MAST4: variants seen among roughly 807,000 people sequenced by gnomAD.
MAST4 encodes the protein microtubule associated serine/threonine kinase family member 4, also known as microtubule-associated serine/threonine-protein kinase 4.
MAST4 carries 89 observed loss-of-function variants against 162.7 expected under a neutral mutation model. The ratio of observed to expected loss-of-function variants is 0.55; its 90% CI spans 0.46 to 0.65. The LOEUF is 0.65. Ranked by LOEUF, MAST4 falls within the 30% of genes least tolerant of loss-of-function variation. MAST4 has a pLI of 0.00. For synonymous variants in MAST4, 1,479 were observed against 1,361.1 expected (o/e 1.09, Z -1.91); for missense variants, 3,153 against 3,374.0 (o/e 0.93, Z 1.62).
In MAST4 at chr5:66,943,011, T is replaced by A. The variant is rs1008854314; in HGVS notation, c.674+43029T>A. On this transcript the variant is annotated intron_variant, in intron 4 of 28. Coordinates refer to ENST00000403625, the MANE Select transcript of MAST4 (RefSeq NM_001164664.2). ...TGTAGGTAGAAAGGGGTGTGGCAGC[T>A]CTTTGGGGCCTCTTTTATAAGGTAC... is the stretch of plus-strand genomic sequence containing the variant. 2.6e-5 allele frequency among the ~76,000 whole-genome samples: 4 copies of A among 152,166 alleles called. No individual in the cohort carries two copies. The South Asian group carries it at 8.3e-4, about 32-fold the overall frequency.
intron 1 of MAST4, among the ~76,000 whole-genome samples, chr5:66,691,965 C>G (rs1749069061): frequency 6.6e-6 from 1 of 151,958 alleles, no homozygotes; most frequent in Non-Finnish European, 1.5e-5. Flanking sequence ...TTGATTCTCC[C>G]CAGGGCAAGA....
intron 3 of MAST4, among the ~76,000 whole-genome samples, chr5:66,874,270 G>C: frequency 6.6e-6 from 1 of 152,146 alleles, no homozygotes; most frequent in Non-Finnish European, 1.5e-5. Flanking sequence ...GTAGTTCAAA[G>C]ACCATGGAGC....
At chr5:67,023,665 G>A (rs1370826895) in intron 4 of MAST4, among the ~76,000 whole-genome samples, 2 of 152,112 alleles carry the variant, frequency 1.3e-5, no homozygotes, top group Non-Finnish European at 2.9e-5. Context: ...CCCAATGGCT[G>A]TAACTCTTTT....
intron 5 of MAST4, among the ~76,000 whole-genome samples, chr5:67,083,663 G>A (rs925925515): frequency 6.6e-6 from 1 of 152,074 alleles, no homozygotes; most frequent in Admixed American, 6.5e-5. Context: ...CTTTAACTCA[G>A]AGTTTTATCC....
chr5:66,998,129 A>G (rs1346261000), intron 4 of MAST4, among the ~76,000 whole-genome samples: 1 of 152,262 alleles, frequency 6.6e-6, no homozygotes, highest in East Asian at 1.9e-4. Context: ...CTTAAATTAC[A>G]GAAAGGTCTT....
At chr5:66,638,030 T>A (rs1745235707) in intron 1 of MAST4, among the ~76,000 whole-genome samples, 1 of 152,210 alleles carries the variant, frequency 6.6e-6, no homozygotes, top group Admixed American at 6.5e-5. Flanking sequence ...TAGTTGTAAT[T>A]TATTCCTCAG....
At chr5:66,673,070 T>G (rs1009951483) in intron 1 of MAST4, among the ~76,000 whole-genome samples, 20 of 152,326 alleles carry the variant, frequency 1.3e-4, no homozygotes, top group Admixed American at 7.8e-4. Context: ...GTGCATATTA[T>G]TTTGTGTGTG....
intron 6 of MAST4, chr5:67,093,698 T>A (rs1764114921): frequency 4.5e-6 from 2 of 446,806 alleles, no homozygotes; most frequent in Non-Finnish European, 9.1e-6. Flanking sequence ...TGCTCATTCA[T>A]CTAAAATATG....
intron 1 of MAST4, among the ~76,000 whole-genome samples, chr5:66,722,649 A>G (rs1751289323): frequency 6.6e-6 from 1 of 152,166 alleles, no homozygotes; most frequent in Non-Finnish European, 1.5e-5. Context: ...TTGTCAAATA[A>G]ATGAGTGAAT....
At chr5:66,682,293 G>T (rs1014948147) in intron 1 of MAST4, among the ~76,000 whole-genome samples, 2 of 152,302 alleles carry the variant, frequency 1.3e-5, no homozygotes, top group Admixed American at 6.5e-5. Context: ...AATATCATCA[G>T]CATTTTCATG....
intron 4 of MAST4, among the ~76,000 whole-genome samples, chr5:66,940,625 A>G (rs921689297): frequency 3.3e-5 from 5 of 151,988 alleles, no homozygotes; most frequent in African/African-American, 1.2e-4. Flanking sequence ...TTCAGGCTCC[A>G]TTTCTAATTT....
At chr5:66,963,546 T>C (rs1431524682) in intron 4 of MAST4, among the ~76,000 whole-genome samples, 3 of 152,216 alleles carry the variant, frequency 2.0e-5, no homozygotes, top group Non-Finnish European at 4.4e-5. Context: ...TGTTCTGTAT[T>C]TTAGAGCTGA....
At chr5:66,832,302 G>A (rs898133930) in intron 3 of MAST4, among the ~76,000 whole-genome samples, 1 of 152,008 alleles carries the variant, frequency 6.6e-6, no homozygotes, top group African/African-American at 2.4e-5. Flanking sequence ...CCTCTATGAT[G>A]CAGTTAAACA....
chr5:66,971,051 T>G (rs115348467), intron 4 of MAST4, among the ~76,000 whole-genome samples: 1,981 of 152,324 alleles, frequency 0.013, 46 homozygotes, highest in African/African-American at 0.046. Context: ...TTGGAGAGCC[T>G]GTGCCTCTAT....
chr5:67,057,302 G>A (rs1167413187), intron 5 of MAST4, among the ~76,000 whole-genome samples: 1 of 151,978 alleles, frequency 6.6e-6, no homozygotes, highest in Non-Finnish European at 1.5e-5. Context: ...ATCAAAATGA[G>A]AAGGAAAAAC....
chr5:66,893,372 A>ATTT (rs34342512), intron 3 of MAST4, among the ~76,000 whole-genome samples: 3 of 143,174 alleles, frequency 2.1e-5, no homozygotes, highest in Admixed American at 7.1e-5. Flanking sequence ...CGCCCAGCTA[A>ATTT]TTTTTTTTTT....
chr5:66,715,498 T>G (rs1750763552), intron 1 of MAST4, among the ~76,000 whole-genome samples: 1 of 102,476 alleles, frequency 9.8e-6, no homozygotes, highest in Non-Finnish European at 1.8e-5. Flanking sequence ...TACCAAAAAA[T>G]GGAGTGGACC....
At chr5:66,788,607 C>CCAAGAAAAAAAAAAAA in intron 2 of MAST4, 63 bp from the exon 3 acceptor site, 1 of 1,373,728 alleles carries the variant, frequency 7.3e-7, no homozygotes, top group Non-Finnish European at 1.0e-6. Flanking sequence ...CCCCCACCCC[C>CCAAGAAAAAAAAAAAA]ATTGCAATAA....
chr5:66,788,528 G>A (rs1177526887), intron 2 of MAST4, 142 bp from the exon 3 acceptor site: 1 of 1,086,444 alleles, frequency 9.2e-7, no homozygotes, highest in East Asian at 2.5e-5. Context: ...TTCCCAGGTT[G>A]CTATTAATGT....
Sources: gnomAD v4.1 joint callset for allele counts (sites outside exome capture counted in the v4.1 genomes callset) on GRCh38, gnomAD v4.1.1 for gene constraint, MANE v1.5 for transcripts, NCBI Gene and HGNC (gene_info 2026-07-23, HGNC 2026-07-21) for gene names.